MACROD1: variants seen among roughly 807,000 people sequenced by gnomAD.
The protein encoded by MACROD1 is ADP-ribose glycohydrolase MACROD1.
MACROD1 carries 31 observed loss-of-function variants against 41.4 expected under a neutral mutation model. That is an observed-to-expected ratio of 0.75 (90% CI 0.56 to 1.01). MACROD1 has a LOEUF of 1.01. MACROD1 is among the 50% of genes least tolerant of loss of function. The pLI, the probability that MACROD1 is intolerant of heterozygous loss-of-function variation, is 0.00. For synonymous variants in MACROD1, 252 were observed against 203.4 expected (o/e 1.24, Z -2.03); for missense variants, 473 against 460.0 (o/e 1.03, Z -0.26).
At chr11:64,019,533 G>A (rs1943125897) in intron 3 of MACROD1, among the ~76,000 whole-genome samples, 1 of 152,226 alleles carries the variant, frequency 6.6e-6, no homozygotes, top group Non-Finnish European at 1.5e-5. Flanking sequence ...AAAGGGAGAG[G>A]GCCAGACCTG....
At chr11:64,144,151 C>A (rs1344273899) in intron 3 of MACROD1, among the ~76,000 whole-genome samples, 1 of 151,884 alleles carries the variant, frequency 6.6e-6, no homozygotes, top group Admixed American at 6.6e-5. Context: ...AGTGTCCCGT[C>A]CACCTCGCCC....
intron 5 of MACROD1, 103 bp from the exon 6 acceptor site, chr11:63,999,866 C>T (rs1942789344): frequency 7.6e-7 from 1 of 1,312,526 alleles, no homozygotes; most frequent in Non-Finnish European, 1.0e-6. Flanking sequence ...AACACCTTTC[C>T]CCCCAAGCGC....
chr11:64,053,792 C>T (rs912614538), intron 3 of MACROD1, among the ~76,000 whole-genome samples: 5 of 152,140 alleles, frequency 3.3e-5, no homozygotes, highest in Admixed American at 2.0e-4. Context: ...AGCCCTATAG[C>T]GGCATCCCGA....
At chr11:64,109,979 G>A (rs1442148407) in intron 3 of MACROD1, among the ~76,000 whole-genome samples, 3 of 152,118 alleles carry the variant, frequency 2.0e-5, no homozygotes, top group African/African-American at 7.2e-5. Flanking sequence ...AGAGACTTGG[G>A]GCAGCTTTTA....
In MACROD1 at chr11:64,120,126, C is replaced by T. The variant is rs1945073082; in HGVS notation, c.517+31113G>A. Among the ~76,000 whole-genome samples the T allele has an allele frequency of 6.6e-6, 1 of 152,158 alleles. No homozygotes were observed. The highest frequency in any genetic ancestry group is 1.5e-5 in the Non-Finnish European group (1 of 68,030). ...GCAGGGGTTACGTTAAAAGGCCCGA[C>T]CGCCACCTTCAGTGAGGAGATGGGG... On this transcript the variant is annotated intron_variant, in intron 3 of 10. Coordinates refer to ENST00000255681, the MANE Select transcript of MACROD1 (RefSeq NM_014067.4). This position sits in a 1 kb window ranked among gnomAD's most constrained non-coding sequence, Gnocchi z 4.5.
intron 4 of MACROD1, among the ~76,000 whole-genome samples, chr11:64,009,908 C>T (rs780590248): frequency 6.6e-6 from 1 of 152,270 alleles, no homozygotes; most frequent in Non-Finnish European, 1.5e-5. Flanking sequence ...CCAGTTGCGC[C>T]GGCCCCTCCT....
chr11:64,141,770 T>C (rs1945417536), intron 3 of MACROD1, among the ~76,000 whole-genome samples: 1 of 152,148 alleles, frequency 6.6e-6, no homozygotes, highest in Non-Finnish European at 1.5e-5. Flanking sequence ...CTCGGGACAC[T>C]GGGCACAGGG....
intron 3 of MACROD1, among the ~76,000 whole-genome samples, chr11:64,098,879 C>A (rs1944622976): frequency 6.6e-6 from 1 of 152,226 alleles, no homozygotes; most frequent in South Asian, 2.1e-4. Context: ...TACCAGCCAT[C>A]TGATTAATGA....
chr11:64,042,369 C>A (rs320135), intron 3 of MACROD1, among the ~76,000 whole-genome samples: 4 of 152,114 alleles, frequency 2.6e-5, no homozygotes, highest in African/African-American at 9.7e-5. Context: ...TGCCCCCAGA[C>A]AGTGGCCATC....
chr11:64,075,210 T>C (rs1276531270), intron 3 of MACROD1, among the ~76,000 whole-genome samples: 2 of 152,216 alleles, frequency 1.3e-5, no homozygotes, highest in Non-Finnish European at 2.9e-5. Flanking sequence ...ACCATTCTGA[T>C]CCACATGCCA....
Position 64,161,819 on chromosome 11 carries a change from C to T in MACROD1, c.298+3878G>A, listed in dbSNP as rs1024728764. On this transcript the variant is annotated intron_variant, in intron 1 of 10. Coordinates refer to ENST00000255681, the MANE Select transcript of MACROD1 (RefSeq NM_014067.4). ...AGCCCATGGCTCACACCTGTAACCT[C>T]AGCACTTTGGGAGGCCGAGGTGGGT... Among the ~76,000 whole-genome samples the T allele has an allele frequency of 2.3e-5, 3 of 130,354 alleles. No individual in the cohort carries two copies. The Admixed American group carries it at 2.5e-4, about 11-fold the overall frequency. 85.5% of individuals were successfully genotyped at this position (130,354 alleles called of 152,430 possible).
intron 3 of MACROD1, among the ~76,000 whole-genome samples, chr11:64,115,804 C>T (rs533836371): frequency 2.6e-5 from 4 of 152,212 alleles, no homozygotes; most frequent in Non-Finnish European, 5.9e-5. Context: ...CGCCCTAAAT[C>T]CATCCCATCC....
chr11:64,078,649 T>C (rs1451300595), intron 3 of MACROD1, among the ~76,000 whole-genome samples: 1 of 152,146 alleles, frequency 6.6e-6, no homozygotes, highest in Non-Finnish European at 1.5e-5. Flanking sequence ...TCCTGCATCC[T>C]TGTCCTACAA....
intron 3 of MACROD1, among the ~76,000 whole-genome samples, chr11:64,021,466 G>A (rs1049692645): frequency 1.3e-5 from 2 of 152,202 alleles, no homozygotes; most frequent in African/African-American, 2.4e-5. Context: ...CAGAGGAGAC[G>A]CAGTGACCCA....
At chr11:64,022,059 G>A (rs568114113) in intron 3 of MACROD1, among the ~76,000 whole-genome samples, 1 of 151,580 alleles carries the variant, frequency 6.6e-6, no homozygotes, top group Non-Finnish European at 1.5e-5. Flanking sequence ...GAGGAGCAAA[G>A]GCCTTGAGAC....
chr11:64,081,213 G>C (rs1389420605), intron 3 of MACROD1, among the ~76,000 whole-genome samples: 1 of 152,138 alleles, frequency 6.6e-6, no homozygotes, highest in Non-Finnish European at 1.5e-5. Flanking sequence ...GTAGAGATGG[G>C]GTTTCACCAT....
intron 3 of MACROD1, among the ~76,000 whole-genome samples, chr11:64,031,477 T>TTTC (rs1943294719): frequency 3.9e-5 from 1 of 25,628 alleles, no homozygotes; most frequent in Non-Finnish European, 1.1e-4. Flanking sequence ...CCTGCCTTCC[T>TTTC]TTTTTTTTTT....
intron 3 of MACROD1, among the ~76,000 whole-genome samples, chr11:64,134,980 G>A (rs891811983): frequency 2.6e-4 from 40 of 152,152 alleles, no homozygotes; most frequent in Admixed American, 9.8e-4. Flanking sequence ...GGGTGCTCCC[G>A]CTGAATCTCT....
intron 3 of MACROD1, among the ~76,000 whole-genome samples, chr11:64,059,142 C>T (rs1943848765): frequency 6.6e-6 from 1 of 152,188 alleles, no homozygotes; most frequent in African/African-American, 2.4e-5. Context: ...TCCTTCTCTT[C>T]CTCTTCTGTG....
Sources: gnomAD v4.1 joint callset for allele counts (sites outside exome capture counted in the v4.1 genomes callset) on GRCh38, gnomAD v4.1.1 for gene constraint, Gnocchi (gnomAD v3.1) non-coding constraint, MANE v1.5 for transcripts, NCBI Gene and HGNC (gene_info 2026-07-23, HGNC 2026-07-21) for gene names.